ATP9B: variants seen among roughly 807,000 people sequenced by gnomAD.
ATP9B encodes probable phospholipid-transporting ATPase IIB.
In ATP9B, 110 loss-of-function variants were observed where a neutral mutation model predicts 146.1. The observed-to-expected ratio is 0.75, with a 90% confidence interval of 0.65 to 0.88. ATP9B has a LOEUF of 0.88. Among genes scored for constraint, ATP9B ranks in the 40% least tolerant of loss-of-function variants. The pLI is 0.00. For synonymous variants in ATP9B, 604 were observed against 569.7 expected, an observed-to-expected ratio of 1.06 and a Z score of -0.86; for missense variants, 1,499 against 1,496.4, an observed-to-expected ratio of 1.00 and a Z score of -0.03.
chr18:79,171,515 G>A lies in ATP9B; in HGVS notation c.779-5298G>A, dbSNP rs185758310. 1.6e-3 allele frequency among the ~76,000 whole-genome samples: 236 copies of A among 152,162 alleles called. 1 individual carries two copies. Among genetic ancestry groups the A allele is most frequent in the Admixed American group, 7.3e-3 (111 of 15,294 alleles). On this transcript the variant is annotated intron_variant, in intron 7 of 29. Transcript: ENST00000426216. Reference sequence around the variant, plus strand: ...TATATTGACATAATTAATGACTCCTGGGAAGTTGCAAAGGTAGTACAGGGA... The same window carrying A: ...TATATTGACATAATTAATGACTCCTAGGAAGTTGCAAAGGTAGTACAGGGA...
chr18:79,102,858 T>G (rs1287947620), intron 2 of ATP9B, among the ~76,000 whole-genome samples: 2 of 152,252 alleles, frequency 1.3e-5, no homozygotes, highest in East Asian at 3.8e-4. Flanking sequence ...TTAGATTTAC[T>G]CCTAAGTGTT....
intron 11 of ATP9B, among the ~76,000 whole-genome samples, chr18:79,227,430 A>G (rs1361104935): frequency 8.1e-6 from 1 of 123,844 alleles, no homozygotes; most frequent in African/African-American, 3.2e-5. Context: ...TGGGTGGATG[A>G]GTGGGTGAAT....
intron 10 of ATP9B, among the ~76,000 whole-genome samples, chr18:79,207,369 G>A (rs1431130991): frequency 2.0e-5 from 3 of 152,210 alleles, no homozygotes; most frequent in South Asian, 2.1e-4. Flanking sequence ...TGATTTTAGC[G>A]CTTCTCAGTC....
At chr18:79,141,140 G>T (rs1323438819) in intron 5 of ATP9B, among the ~76,000 whole-genome samples, 1 of 152,082 alleles carries the variant, frequency 6.6e-6, no homozygotes, top group Non-Finnish European at 1.5e-5. Flanking sequence ...CATGGGAGTG[G>T]TTACCCCCAT....
intron 2 of ATP9B, among the ~76,000 whole-genome samples, chr18:79,102,192 C>G (rs2075330426): frequency 6.6e-6 from 1 of 152,172 alleles, no homozygotes; most frequent in Admixed American, 6.5e-5. Context: ...CGTTGAGATT[C>G]AGAGAGACTT....
Position 79,202,773 on chromosome 18 carries a change from T to C in ATP9B, c.955-4164T>C, listed in dbSNP as rs145383880. 1.8e-3 allele frequency among the ~76,000 whole-genome samples: 277 copies of C among 152,332 alleles called. 2 individuals carry two copies. The highest frequency in any genetic ancestry group is 3.1e-3 in the African/African-American group (127 of 41,578). On this transcript the variant is annotated intron_variant, in intron 9 of 29. Transcript: ENST00000426216. Reference sequence around the variant, plus strand: ...CAGAACTGAAAGAAAGATGCATAGATATTGTGTTTTCTTCAACATAAAATT... The same window carrying C: ...CAGAACTGAAAGAAAGATGCATAGACATTGTGTTTTCTTCAACATAAAATT...
At chr18:79,201,860 C>T (rs762284175) in intron 9 of ATP9B, among the ~76,000 whole-genome samples, 82 of 152,168 alleles carry the variant, frequency 5.4e-4, no homozygotes, top group Non-Finnish European at 1.2e-4. Context: ...TGCCCAGCCC[C>T]TGATTTCTGA....
chr18:79,109,266 G>T (rs1421489862), intron 2 of ATP9B, among the ~76,000 whole-genome samples: 1 of 152,018 alleles, frequency 6.6e-6, no homozygotes, highest in Non-Finnish European at 1.5e-5. Flanking sequence ...TTTTAATACT[G>T]AAGTTTAAAT....
chr18:79,335,750 AC>A (rs1287328898), intron 17 of ATP9B, among the ~76,000 whole-genome samples: 6 of 152,202 alleles, frequency 3.9e-5, no homozygotes, highest in African/African-American at 1.4e-4. Context: ...AGTTACATGC[AC>A]GTTAAAAATA....
At chr18:79,244,286 C>T (rs959158278) in intron 11 of ATP9B, among the ~76,000 whole-genome samples, 4 of 152,162 alleles carry the variant, frequency 2.6e-5, no homozygotes, top group Non-Finnish European at 4.4e-5. Flanking sequence ...CAAGGACTCA[C>T]TTTGCTTGTG....
intron 12 of ATP9B, among the ~76,000 whole-genome samples, chr18:79,273,724 A>G (rs1005406430): frequency 9.9e-5 from 15 of 152,204 alleles, no homozygotes; most frequent in African/African-American, 2.9e-4. Context: ...ATAAGATTGC[A>G]TGGTATATTT....
At chr18:79,132,840 G>A (rs896762223) in intron 5 of ATP9B, among the ~76,000 whole-genome samples, 1 of 152,142 alleles carries the variant, frequency 6.6e-6, no homozygotes, top group South Asian at 2.1e-4. Context: ...CTGGAAGAAT[G>A]TTCTCTGTTA....
At chr18:79,204,157 A>G (rs1002351439) in intron 9 of ATP9B, among the ~76,000 whole-genome samples, 4 of 152,222 alleles carry the variant, frequency 2.6e-5, no homozygotes, top group African/African-American at 7.2e-5. Flanking sequence ...GTTATAAACA[A>G]AGTAAACAAA....
intron 1 of ATP9B, among the ~76,000 whole-genome samples, chr18:79,091,691 T>C (rs1311478520): frequency 1.3e-5 from 2 of 152,252 alleles, no homozygotes; most frequent in Non-Finnish European, 2.9e-5. Context: ...CTTTAGGTTT[T>C]TGCAAATATA....
chr18:79,173,098 A>T, intron 7 of ATP9B, among the ~76,000 whole-genome samples: 1 of 152,178 alleles, frequency 6.6e-6, no homozygotes, highest in East Asian at 1.9e-4. Flanking sequence ...GGCGACGTTG[A>T]GCACGTTCTT....
chr18:79,118,390 GTT>G lies in ATP9B; in HGVS notation c.558+5063_558+5064del, dbSNP rs752788043. On this transcript the variant is annotated intron_variant, in intron 4 of 29. Coordinates refer to ENST00000426216, the MANE Select transcript of ATP9B (RefSeq NM_198531.5). Reference sequence around the variant, plus strand: ...AAACACAATCATATTGAACGTTTTTGTTTTTTTTTTTTTTTTTTTTTTTTTTT... The same window carrying G: ...AAACACAATCATATTGAACGTTTTTGTTTTTTTTTTTTTTTTTTTTTTTTT... 8.5e-3 allele frequency among the ~76,000 whole-genome samples: 795 copies of G among 93,268 alleles called. 20 individuals are homozygous for G. The highest frequency in any genetic ancestry group is 0.029 in the African/African-American group (734 of 25,656). The allele number at this position is 93,268 out of a possible 152,430, so 61.2% of individuals were successfully genotyped here.
chr18:79,110,301 A>G, intron 2 of ATP9B, 54 bp from the exon 3 acceptor site: 2 of 1,471,310 alleles, frequency 1.4e-6, no homozygotes, highest in South Asian at 1.4e-5. Flanking sequence ...ATTAGTTTGA[A>G]CTTTTTTAAA....
intron 2 of ATP9B, among the ~76,000 whole-genome samples, chr18:79,099,014 T>C (rs970992883): frequency 6.6e-6 from 1 of 152,162 alleles, no homozygotes; most frequent in Non-Finnish European, 1.5e-5. Flanking sequence ...GGGTGTTTGA[T>C]TCCTGTTTGA....
intron 1 of ATP9B, among the ~76,000 whole-genome samples, chr18:79,088,451 TTA>T (rs1444863924): frequency 6.6e-6 from 1 of 152,226 alleles, no homozygotes; most frequent in Admixed American, 6.5e-5. Flanking sequence ...TATTAATGTT[TTA>T]GTCTGTTACT....
Sources: gnomAD v4.1 joint callset for allele counts (sites outside exome capture counted in the v4.1 genomes callset) on GRCh38, gnomAD v4.1.1 for gene constraint, MANE v1.5 for transcripts, NCBI Gene and HGNC (gene_info 2026-07-23, HGNC 2026-07-21) for gene names.